Variants in MYT1L observed in about 807,000 individuals in gnomAD.
MYT1L encodes the protein myelin transcription factor 1 like, also known as myelin transcription factor 1-like protein.
A neutral mutation model predicts 126.7 loss-of-function variants in MYT1L; 12 were observed. The observed-to-expected ratio is 0.09, with a 90% CI of 0.06 to 0.15. The LOEUF (loss-of-function observed/expected upper bound fraction) is 0.15, where lower values mean the gene tolerates loss of function less well. Ranked by LOEUF, MYT1L falls within the 10% of genes least tolerant of loss-of-function variation. The pLI is 1.00. For synonymous variants in MYT1L, 541 were observed against 604.2 expected (o/e 0.90, Z 1.53); for missense variants, 979 against 1,585.2 (o/e 0.62, Z 6.49).
At chr2:1,975,772 G>T (rs1165132226) in intron 8 of MYT1L, among the ~76,000 whole-genome samples, 1 of 152,170 alleles carries the variant, frequency 6.6e-6, no homozygotes, top group Non-Finnish European at 1.5e-5. Flanking sequence ...GCTGAGGCAG[G>T]AGAATCACTT....
chr2:2,041,185 C>T (rs1179365172), intron 4 of MYT1L, among the ~76,000 whole-genome samples: 1 of 152,090 alleles, frequency 6.6e-6, no homozygotes, highest in Non-Finnish European at 1.5e-5. Context: ...AATTAAGTTA[C>T]AGCTTTGGGG....
Position 1,917,614 on chromosome 2 carries a change from C to T in MYT1L, c.1484-275G>A, listed in dbSNP as rs1439505991. Among the ~76,000 whole-genome samples the T allele has an allele frequency of 6.6e-6, 1 of 152,032 alleles. No homozygotes were observed. Among genetic ancestry groups the T allele is most frequent in the Non-Finnish European group, 1.5e-5 (1 of 68,002 alleles). On this transcript the variant is annotated intron_variant, in intron 10 of 24. Transcript: ENST00000647738. The surrounding 1 kb of genome is among the most constrained non-coding windows in gnomAD (Gnocchi z 5.9). Reference sequence around the variant, plus strand: ...CCTTAACTCTGATTCATTATTTTCCCGTGTGTTACATGATAAGCTGTGTTG... The same window carrying T: ...CCTTAACTCTGATTCATTATTTTCCTGTGTGTTACATGATAAGCTGTGTTG...
intron 2 of MYT1L, among the ~76,000 whole-genome samples, chr2:2,189,333 CGGGGGTCTTCCCT>C (rs1318328409): frequency 1.3e-5 from 2 of 152,160 alleles, no homozygotes; most frequent in Non-Finnish European, 2.9e-5. Flanking sequence ...CATGGCCTTT[CGGGGGTCTTCCCT>C]CATGCAACTA....
chr2:2,194,229 G>A (rs986593884), intron 2 of MYT1L, among the ~76,000 whole-genome samples: 1 of 151,938 alleles, frequency 6.6e-6, no homozygotes, highest in Non-Finnish European at 1.5e-5. Flanking sequence ...ACAGGCACAA[G>A]CCCCTTTTTC....
At chr2:2,099,027 G>C (rs987868054) in intron 3 of MYT1L, among the ~76,000 whole-genome samples, 1 of 152,186 alleles carries the variant, frequency 6.6e-6, no homozygotes, top group Non-Finnish European at 1.5e-5. Context: ...TGTAGCACAA[G>C]CACCGCTAGG....
chr2:2,060,731 T>C (rs1278853037), intron 3 of MYT1L, among the ~76,000 whole-genome samples: 2 of 117,020 alleles, frequency 1.7e-5, no homozygotes, highest in African/African-American at 6.4e-5. Flanking sequence ...CTCCCTTCCT[T>C]TTCCCTCCCT....
intron 1 of MYT1L, among the ~76,000 whole-genome samples, chr2:2,311,407 C>T (rs1482258568): frequency 6.6e-6 from 1 of 152,190 alleles, no homozygotes; most frequent in Non-Finnish European, 1.5e-5. Flanking sequence ...CTCCAGTTCT[C>T]CTTATCTAAC....
At chr2:1,907,901 G>A (rs1436471265) in intron 13 of MYT1L, among the ~76,000 whole-genome samples, 1 of 152,268 alleles carries the variant, frequency 6.6e-6, no homozygotes, top group African/African-American at 2.4e-5. Flanking sequence ...CGGAAAGCCC[G>A]CAGGAGTCTC....
intron 4 of MYT1L, among the ~76,000 whole-genome samples, chr2:2,027,942 A>G (rs2065821903): frequency 6.6e-6 from 1 of 152,232 alleles, no homozygotes; most frequent in Non-Finnish European, 1.5e-5. Context: ...GTAAAACTGA[A>G]GAATGTCACT....
intron 5 of MYT1L, among the ~76,000 whole-genome samples, chr2:1,993,210 C>T (rs1056486171): frequency 1.3e-5 from 2 of 152,208 alleles, no homozygotes; most frequent in African/African-American, 2.4e-5. Context: ...CTTGGTGAAT[C>T]AGCTCTGTCT....
In MYT1L at chr2:1,929,730, C is replaced by A. The variant is rs1454228767; in HGVS notation, c.506-6467G>T. ...CTCCAGTGCCGGCCATTGCCATTTTCTTTGAATTTTAGTGCTAGATAGAAT... is the reference window on the plus strand; with the variant it reads ...CTCCAGTGCCGGCCATTGCCATTTTATTTGAATTTTAGTGCTAGATAGAAT... On this transcript the variant is annotated intron_variant, in intron 9 of 24. Coordinates refer to ENST00000647738, the MANE Select transcript of MYT1L (RefSeq NM_001303052.2). The surrounding 1 kb of genome is among the most constrained non-coding windows in gnomAD (Gnocchi z 4.7). 6.6e-6 allele frequency among the ~76,000 whole-genome samples: 1 copy of A among 152,204 alleles called. No individual in the cohort carries two copies. The highest frequency in any genetic ancestry group is 1.5e-5 in the Non-Finnish European group (1 of 68,044).
intron 2 of MYT1L, among the ~76,000 whole-genome samples, chr2:2,251,446 G>A (rs1203583477): frequency 1.3e-5 from 2 of 152,104 alleles, no homozygotes; most frequent in Admixed American, 1.3e-4. Flanking sequence ...CCCACGCCAC[G>A]CTTCCAGGTG....
intron 4 of MYT1L, among the ~76,000 whole-genome samples, chr2:2,011,971 A>G (rs2063869189): frequency 6.6e-6 from 1 of 152,222 alleles, no homozygotes; most frequent in Non-Finnish European, 1.5e-5. Context: ...GAACATGCCT[A>G]CGTTGCTGGT....
intron 4 of MYT1L, among the ~76,000 whole-genome samples, chr2:2,029,436 A>C (rs111417192): frequency 0.027 from 4,061 of 152,230 alleles, 175 homozygotes; most frequent in African/African-American, 0.089. Flanking sequence ...TGTGCAGGGG[A>C]ACTCCCATTT....
intron 18 of MYT1L, among the ~76,000 whole-genome samples, chr2:1,879,468 C>T (rs1262464930): frequency 6.6e-6 from 1 of 152,122 alleles, no homozygotes; most frequent in Non-Finnish European, 1.5e-5. Context: ...CTCAGAGCCA[C>T]TCCAGAGGAG....
chr2:2,112,503 T>A (rs568138286), intron 3 of MYT1L, among the ~76,000 whole-genome samples: 1 of 152,300 alleles, frequency 6.6e-6, no homozygotes, highest in South Asian at 2.1e-4. Context: ...ATGCACACGA[T>A]GCAGTGTGTG....
At chr2:2,142,440 G>C (rs2084135328) in intron 3 of MYT1L, among the ~76,000 whole-genome samples, 1 of 152,060 alleles carries the variant, frequency 6.6e-6, no homozygotes, top group Admixed American at 6.6e-5. Flanking sequence ...TGGTGACTGA[G>C]TTTGTGAGTT....
intron 1 of MYT1L, among the ~76,000 whole-genome samples, chr2:2,299,072 T>G (rs2149514448): frequency 6.6e-6 from 1 of 152,314 alleles, no homozygotes; most frequent in Middle Eastern, 3.4e-3. Context: ...CAGGATGGTC[T>G]CGATCTCCTG....
At chr2:2,178,989 G>C (rs1202837364) in intron 2 of MYT1L, among the ~76,000 whole-genome samples, 2 of 152,158 alleles carry the variant, frequency 1.3e-5, no homozygotes, top group South Asian at 2.1e-4. Context: ...ATGGGGCTTA[G>C]AAAAAGTGAG....
Sources: gnomAD v4.1 joint callset for allele counts (sites outside exome capture counted in the v4.1 genomes callset) on GRCh38, gnomAD v4.1.1 for gene constraint, Gnocchi (gnomAD v3.1) non-coding constraint, MANE v1.5 for transcripts, NCBI Gene and HGNC (gene_info 2026-07-23, HGNC 2026-07-21) for gene names.